Variants in BPIFC observed in about 807,000 individuals in gnomAD.
BPIFC encodes the protein BPI fold containing family C, also known as BPI fold-containing family C protein.
BPIFC carries 60 observed loss-of-function variants against 57.6 expected under a neutral mutation model. That is an observed-to-expected ratio of 1.04 (90% confidence interval 0.85 to 1.29). BPIFC has a LOEUF of 1.29. BPIFC is among the 50% of genes most tolerant of loss of function. The pLI is 0.00. For missense variants in BPIFC, 581 were observed against 600.5 expected, an observed-to-expected ratio of 0.97 and a Z score of 0.34; for synonymous variants, 243 against 224.5, an observed-to-expected ratio of 1.08 and a Z score of -0.74.
At position 32,445,711 on chromosome 22, in the gene BPIFC, A is replaced by C. The variant is rs1934703658; in HGVS notation, c.531-13T>G. Reference sequence around the variant, plus strand: ...GTTATACAGAACACTGAGGAAAAAAATGAAAAAAAAAAAAAAAAAAAAAAG... The same window carrying C: ...GTTATACAGAACACTGAGGAAAAAACTGAAAAAAAAAAAAAAAAAAAAAAG... On this transcript the variant is annotated splice_polypyrimidine_tract_variant and intron_variant, in intron 6 of 16. Transcript: ENST00000300399. 9.4e-7 allele frequency: 1 copy of C among 1,068,146 alleles called. No individual in the cohort carries two copies. The highest frequency in any genetic ancestry group is 1.4e-6 in the Non-Finnish European group (1 of 739,864). 66.2% of individuals were successfully genotyped at this position (1,068,146 alleles called of 1,614,324 possible).
chr22:32,433,675 A>T (rs578140516), intron 11 of BPIFC, 44 bp downstream of exon 11: 3 of 1,568,814 alleles, frequency 1.9e-6, no homozygotes, highest in Non-Finnish European at 2.6e-6. Flanking sequence ...AGTAATTGCA[A>T]TGGAGCCAAA....
intron 14 of BPIFC, 112 bp from the exon 15 acceptor site, chr22:32,417,260 C>G: frequency 1.3e-6 from 1 of 749,870 alleles, no homozygotes. Flanking sequence ...TCTCCAGCCT[C>G]GAACTCCTGG....
chr22:32,449,278 C>T (rs1209964751), intron 4 of BPIFC, among the ~76,000 whole-genome samples: 1 of 152,174 alleles, frequency 6.6e-6, no homozygotes, highest in Non-Finnish European at 1.5e-5. Flanking sequence ...CAGATTCAAT[C>T]ACTCAAAAGA....
intron 3 of BPIFC, among the ~76,000 whole-genome samples, chr22:32,456,498 A>G (rs1935042558): frequency 1.5e-5 from 2 of 131,896 alleles, no homozygotes; most frequent in Non-Finnish European, 3.1e-5. Context: ...CTGGTATAGT[A>G]GAAGAAGCAT....
intron 15 of BPIFC, 79 bp from the exon 16 acceptor site, chr22:32,416,070 G>A: frequency 1.4e-6 from 1 of 723,116 alleles, no homozygotes; most frequent in Non-Finnish European, 2.1e-6. Context: ...GAGACTGACT[G>A]ACAGCTTGCT....
rs745594243 is a variant in BPIFC, at chr22:32,431,434, T to G, written c.1150-20A>C. On this transcript the variant is annotated intron_variant, in intron 12 of 16. Transcript: ENST00000300399. Reference sequence around the variant, plus strand: ...AGCAACCTATAGACAATAAAAGCATTTATTATTAAGACGAGTGAGTGTCAA... The same window carrying G: ...AGCAACCTATAGACAATAAAAGCATGTATTATTAAGACGAGTGAGTGTCAA... 3.0e-5 allele frequency: 46 copies of G among 1,537,846 alleles called. 5 individuals are homozygous for G. The Middle Eastern group carries it at 1.7e-3, about 57-fold the overall frequency.
chr22:32,416,964 G>T lies in BPIFC; in HGVS notation c.1324+121C>A, dbSNP rs1933696142. 3 of 940,534 alleles carry T rather than the reference G, an allele frequency of 3.2e-6. 1 individual carries two copies. The highest frequency in any genetic ancestry group is 4.9e-5 in the East Asian group (2 of 41,000). 58.3% of individuals were successfully genotyped at this position (940,534 alleles called of 1,614,324 possible). The stretch of plus-strand genomic sequence containing the variant: ...AATTCTGACGCTGGCCTGGATTCAT[G>T]ATAACATGATAGAAGTACAAGCTTC... On this transcript the variant is annotated intron_variant, in intron 15 of 16. Transcript: ENST00000300399.
chr22:32,440,314 T>A (rs1934529240), intron 8 of BPIFC, among the ~76,000 whole-genome samples: 1 of 151,862 alleles, frequency 6.6e-6, no homozygotes, highest in African/African-American at 2.4e-5. Flanking sequence ...AAAAAAAAAT[T>A]TTTTTTATAT....
chr22:32,454,803 C>T (rs555352185), intron 3 of BPIFC, among the ~76,000 whole-genome samples: 1 of 152,236 alleles, frequency 6.6e-6, no homozygotes, highest in Non-Finnish European at 1.5e-5. Context: ...GTTTGAATCC[C>T]AACTTTGCCA....
intron 11 of BPIFC, 89 bp downstream of exon 11, chr22:32,433,629 CA>C (rs35783511): frequency 4.3e-6 from 5 of 1,160,804 alleles, no homozygotes; most frequent in Non-Finnish European, 6.4e-6. Flanking sequence ...GGGACTTATC[CA>C]AAAAGGAATA....
rs114550918 is a variant in BPIFC at position 32,460,017 on chromosome 22, C to T, written c.-1+1557G>A. The stretch of plus-strand genomic sequence containing the variant: ...CACTGTAAGAGGTGGAGCCCTTGGC[C>T]GAAGTAGGTGAGAGGTTTGATTAAG... On this transcript the variant is annotated intron_variant, in intron 2 of 16. Transcript: ENST00000300399. Among the ~76,000 whole-genome samples, 694 of 152,016 alleles carry T rather than the reference C, an allele frequency of 4.6e-3. 4 individuals are homozygous for T. Among genetic ancestry groups the T allele is most frequent in the African/African-American group, 0.016 (657 of 41,452 alleles).
At chr22:32,443,887 T>C (rs1934639960) in intron 7 of BPIFC, among the ~76,000 whole-genome samples, 1 of 152,186 alleles carries the variant, frequency 6.6e-6, no homozygotes, top group African/African-American at 2.4e-5. Context: ...CATTTCACCT[T>C]CACTACAGCC....
In BPIFC at chr22:32,418,597, C is replaced by T. The variant is rs1258663628; in HGVS notation, c.1260+765G>A. 3.9e-5 allele frequency among the ~76,000 whole-genome samples: 6 copies of T among 152,242 alleles called. No homozygotes were observed. The East Asian group carries it at 5.8e-4, about 15-fold the overall frequency. On this transcript the variant is annotated intron_variant, in intron 14 of 16. Transcript: ENST00000300399. Reference sequence around the variant, plus strand: ...GAGAACCACTGCTTTAGAATGTAAGCGCCTTGAGGGTAGAGATTTTATCTG... The same window carrying T: ...GAGAACCACTGCTTTAGAATGTAAGTGCCTTGAGGGTAGAGATTTTATCTG...
chr22:32,462,168 CAAA>C (rs35716277), intron 1 of BPIFC, among the ~76,000 whole-genome samples: 13 of 53,604 alleles, frequency 2.4e-4, no homozygotes, highest in African/African-American at 6.2e-4. Flanking sequence ...GACTCCATCT[CAAA>C]AAAAAAAAAA....
At chr22:32,424,529 A>G (rs1933939775) in intron 13 of BPIFC, among the ~76,000 whole-genome samples, 2 of 136,460 alleles carry the variant, frequency 1.5e-5, no homozygotes, top group South Asian at 4.7e-4. Flanking sequence ...TCTTCCAGGC[A>G]AGGGTATAAA....
At chr22:32,446,517 C>A (rs1256520660) in intron 5 of BPIFC, among the ~76,000 whole-genome samples, 3 of 152,154 alleles carry the variant, frequency 2.0e-5, no homozygotes, top group African/African-American at 7.2e-5. Flanking sequence ...ATACATGAAT[C>A]TATGTTGCTG....
At chr22:32,445,782 G>A in intron 6 of BPIFC, 59 bp downstream of exon 6, 1 of 1,587,898 alleles carries the variant, frequency 6.3e-7, no homozygotes, top group Non-Finnish European at 8.6e-7. Flanking sequence ...CCTTCCCTAG[G>A]CGATGCCTGA....
intron 13 of BPIFC, among the ~76,000 whole-genome samples, chr22:32,425,241 A>T (rs1245806868): frequency 6.6e-6 from 1 of 152,134 alleles, no homozygotes; most frequent in Non-Finnish European, 1.5e-5. Context: ...ATCTCTACAA[A>T]CTGTAAAATG....
chr22:32,440,639 C>T (rs1217977590), intron 8 of BPIFC, among the ~76,000 whole-genome samples: 1 of 152,168 alleles, frequency 6.6e-6, no homozygotes, highest in Non-Finnish European at 1.5e-5. Flanking sequence ...GGTTCTTTCC[C>T]ATCTCAATAA....
Sources: allele counts gnomAD v4.1 joint callset (sites outside exome capture counted in the v4.1 genomes callset), GRCh38; gene constraint gnomAD v4.1.1; transcripts MANE v1.5; gene names NCBI Gene and HGNC (gene_info 2026-07-23, HGNC 2026-07-21).